PHLDB2: variants seen among roughly 807,000 people sequenced by gnomAD.
The protein encoded by PHLDB2 is pleckstrin homology like domain family B member 2.
A neutral mutation model predicts 123.6 loss-of-function variants in PHLDB2; 71 were observed. That is an observed-to-expected ratio of 0.57 (90% CI 0.47 to 0.70). The LOEUF is 0.70. Ranked by LOEUF, PHLDB2 falls within the 30% of genes least tolerant of loss-of-function variation. PHLDB2 has a pLI of 0.00. For missense variants in PHLDB2, 1,446 were observed against 1,519.5 expected (o/e 0.95, Z 0.80); for synonymous variants, 547 against 541.6 (o/e 1.01, Z -0.14).
At chr3:111,936,489 G>C (rs535658368) in intron 6 of PHLDB2, among the ~76,000 whole-genome samples, 1 of 152,174 alleles carries the variant, frequency 6.6e-6, no homozygotes, top group East Asian at 1.9e-4. Flanking sequence ...TGTTTAAGAT[G>C]TAAGTTTATA....
intron 11 of PHLDB2, among the ~76,000 whole-genome samples, chr3:111,953,565 A>G (rs1320052491): frequency 6.6e-6 from 1 of 152,178 alleles, no homozygotes; most frequent in Admixed American, 6.5e-5. Flanking sequence ...TAACAAGAGT[A>G]GCTCTTCCCT....
chr3:111,760,128 A>G (rs2059968250), intron 1 of PHLDB2, among the ~76,000 whole-genome samples: 1 of 152,232 alleles, frequency 6.6e-6, no homozygotes, highest in Non-Finnish European at 1.5e-5. Context: ...TCTTGCCTTC[A>G]TGTGCATGTT....
chr3:111,893,459 A>G (rs777711829), intron 2 of PHLDB2, among the ~76,000 whole-genome samples: 2 of 152,142 alleles, frequency 1.3e-5, no homozygotes, highest in Non-Finnish European at 2.9e-5. Context: ...CAATAAACTT[A>G]GTGGCTCAAG....
chr3:111,971,322 C>T (rs1484184459), intron 16 of PHLDB2, among the ~76,000 whole-genome samples: 1 of 152,044 alleles, frequency 6.6e-6, no homozygotes, highest in Non-Finnish European at 1.5e-5. Flanking sequence ...TTCATTCTCT[C>T]ATCTATCGGC....
At chr3:111,881,027 TAG>T (rs1450467211) in intron 1 of PHLDB2, among the ~76,000 whole-genome samples, 1 of 152,228 alleles carries the variant, frequency 6.6e-6, no homozygotes, top group African/African-American at 2.4e-5. Flanking sequence ...TGAATCTTAT[TAG>T]AGTCTATAGG....
At chr3:111,939,690 C>T (rs2069736705) in intron 7 of PHLDB2, 60 bp downstream of exon 7, 5 of 1,494,552 alleles carry the variant, frequency 3.3e-6, no homozygotes, top group Non-Finnish European at 4.6e-6. Context: ...CTTAACATAG[C>T]TATGACATAT....
chr3:111,968,804 A>G (rs2071978300), intron 15 of PHLDB2, among the ~76,000 whole-genome samples: 1 of 152,198 alleles, frequency 6.6e-6, no homozygotes, highest in African/African-American at 2.4e-5. Flanking sequence ...CGCTCTGCCA[A>G]ATTTTGACTT....
intron 1 of PHLDB2, among the ~76,000 whole-genome samples, chr3:111,845,318 G>A (rs544150770): frequency 7.9e-4 from 89 of 113,310 alleles, no homozygotes; most frequent in Non-Finnish European, 1.3e-3. Flanking sequence ...TCACGCCACT[G>A]CACTCCAGCC....
chr3:111,759,684 C>G (rs1235369713), intron 1 of PHLDB2, among the ~76,000 whole-genome samples: 1 of 152,170 alleles, frequency 6.6e-6, no homozygotes, highest in Admixed American at 6.5e-5. Context: ...TTATCCAAAT[C>G]AGTCATCATG....
intron 1 of PHLDB2, among the ~76,000 whole-genome samples, chr3:111,733,804 A>G (rs1161466709): frequency 6.6e-6 from 1 of 152,224 alleles, no homozygotes; most frequent in Non-Finnish European, 1.5e-5. Context: ...CTCTAATTGC[A>G]GAAATGTTGT....
chr3:111,908,314 C>G (rs936354304), intron 2 of PHLDB2, among the ~76,000 whole-genome samples: 2 of 152,170 alleles, frequency 1.3e-5, no homozygotes, highest in Non-Finnish European at 2.9e-5. Flanking sequence ...AGTAGGATCC[C>G]TGAGTCCCTC....
At chr3:111,920,153 A>G in intron 4 of PHLDB2, 129 bp from the exon 5 acceptor site, 1 of 999,794 alleles carries the variant, frequency 1.0e-6, no homozygotes, top group African/African-American at 1.6e-5. Flanking sequence ...GAGTGTTCTC[A>G]GGCACCCGAT....
chr3:111,740,877 C>A (rs1262488319), intron 1 of PHLDB2, among the ~76,000 whole-genome samples: 2 of 150,278 alleles, frequency 1.3e-5, no homozygotes, highest in African/African-American at 2.5e-5. Context: ...GACCTCAATG[C>A]CTCATTTCAT....
At position 111,898,664 on chromosome 3, in the gene PHLDB2, T is replaced by A. The variant is rs558312826; in HGVS notation, c.1335+13252T>A. ...CACTGCTTTATCAATTAAGCTCATG[T>A]AATATTCTAAATCCTTTGTTGTCAT... On this transcript the variant is annotated intron_variant, in intron 2 of 17. Coordinates refer to ENST00000431670, the MANE Select transcript of PHLDB2 (RefSeq NM_001134438.2). 1.5e-3 allele frequency among the ~76,000 whole-genome samples: 228 copies of A among 152,350 alleles called. 1 individual carries two copies. The highest frequency in any genetic ancestry group is 1.1e-3 in the Non-Finnish European group (75 of 68,024).
chr3:111,812,817 G>A (rs2061900833), intron 1 of PHLDB2, among the ~76,000 whole-genome samples: 1 of 152,128 alleles, frequency 6.6e-6, no homozygotes, highest in South Asian at 2.1e-4. Flanking sequence ...TTTAACTCTT[G>A]TTTCAAAAGG....
intron 1 of PHLDB2, among the ~76,000 whole-genome samples, chr3:111,875,605 C>T (rs2943231): frequency 1 from 151,576 of 151,616 alleles, 75,768 homozygotes; most frequent in Non-Finnish European, 1. Context: ...GGCAGATCAC[C>T]TGAAGTCAGG....
intron 1 of PHLDB2, among the ~76,000 whole-genome samples, chr3:111,812,123 T>C (rs556574918): frequency 6.6e-6 from 1 of 152,348 alleles, no homozygotes; most frequent in South Asian, 2.1e-4. Flanking sequence ...TCTGATTCCA[T>C]TTCCAAGGCC....
At chr3:111,862,181 C>T (rs1377346725) in intron 1 of PHLDB2, among the ~76,000 whole-genome samples, 1 of 152,118 alleles carries the variant, frequency 6.6e-6, no homozygotes, top group Non-Finnish European at 1.5e-5. Flanking sequence ...AACGTTATGG[C>T]TTTATATCCT....
intron 1 of PHLDB2, among the ~76,000 whole-genome samples, chr3:111,783,497 G>T (rs2060562864): frequency 6.6e-6 from 1 of 152,034 alleles, no homozygotes; most frequent in African/African-American, 2.4e-5. Context: ...GCAAGGTAAA[G>T]AAATTAAAAC....
Sources: gnomAD v4.1 joint callset for allele counts (sites outside exome capture counted in the v4.1 genomes callset) on GRCh38, gnomAD v4.1.1 for gene constraint, MANE v1.5 for transcripts, NCBI Gene and HGNC (gene_info 2026-07-23, HGNC 2026-07-21) for gene names.